The following PCM1 variants were observed in gnomAD, a reference collection of about 807,000 sequenced individuals.
PCM1 encodes pericentriolar material 1.
PCM1 carries 157 observed loss-of-function variants against 241.9 expected under a neutral mutation model. The ratio of observed to expected loss-of-function variants is 0.65; its 90% CI spans 0.57 to 0.74. The LOEUF (loss-of-function observed/expected upper bound fraction) is 0.74. Ranked by LOEUF, PCM1 falls within the 30% of genes least tolerant of loss-of-function variation. The pLI is 0.00. For missense variants in PCM1, 3,478 were observed against 2,360.1 expected (o/e 1.47, Z -9.81); for synonymous variants, 1,085 against 784.9 (o/e 1.38, Z -6.39).
At chr8:18,010,585 C>CTT in intron 31 of PCM1, 24 bp from the exon 32 acceptor site, 1 of 1,557,456 alleles carries the variant, frequency 6.4e-7, no homozygotes, top group African/African-American at 1.4e-5. Context: ...TTGCTAAATT[C>CTT]TGTGTAATTG....
At chr8:17,989,758 A>T in intron 26 of PCM1, 101 bp from the exon 27 acceptor site, 1 of 815,022 alleles carries the variant, frequency 1.2e-6, no homozygotes, top group Non-Finnish European at 1.8e-6. Flanking sequence ...AATATCTTTT[A>T]AGTGTACAAT....
chr8:17,987,130 A>G (rs965352620), intron 26 of PCM1, among the ~76,000 whole-genome samples: 1 of 151,886 alleles, frequency 6.6e-6, no homozygotes, highest in Non-Finnish European at 1.5e-5. Flanking sequence ...TCTAAAAACT[A>G]CATGGTTTTA....
intron 23 of PCM1, among the ~76,000 whole-genome samples, chr8:17,978,220 G>A (rs951172732): frequency 2.6e-5 from 4 of 152,044 alleles, no homozygotes; most frequent in African/African-American, 9.7e-5. Context: ...TAAATGGAAT[G>A]AAAGTACTAA....
chr8:18,013,765 T>C (rs987245539), intron 34 of PCM1, 199 bp from the exon 35 acceptor site: 134 of 519,626 alleles, frequency 2.6e-4, no homozygotes, highest in Admixed American at 5.2e-4. Context: ...TGTGTGTTTT[T>C]AAGGCAACAA....
intron 13 of PCM1, among the ~76,000 whole-genome samples, chr8:17,959,381 C>T (rs1317033950): frequency 3.3e-5 from 5 of 151,862 alleles, no homozygotes; most frequent in East Asian, 1.9e-4. Context: ...TTCAGTATAT[C>T]GATGGACTTT....
At chr8:17,986,224 G>A (rs1377894540) in intron 26 of PCM1, 137 bp downstream of exon 26, 7 of 565,716 alleles carry the variant, frequency 1.2e-5, no homozygotes, top group Middle Eastern at 4.8e-4. Flanking sequence ...GGTATAATGT[G>A]TTATTTTATT....
At chr8:18,017,065 G>A (rs754615425) in intron 36 of PCM1, among the ~76,000 whole-genome samples, 4 of 152,196 alleles carry the variant, frequency 2.6e-5, no homozygotes, top group Non-Finnish European at 4.4e-5. Context: ...GACTACGGCA[G>A]GATGGCATAA....
intron 17 of PCM1, 101 bp downstream of exon 17, chr8:17,963,392 C>A (rs2073429423): frequency 2.6e-6 from 2 of 770,670 alleles, no homozygotes; most frequent in Admixed American, 3.4e-5. Context: ...CAGCACAAAT[C>A]TGCTATTTCA....
intron 23 of PCM1, among the ~76,000 whole-genome samples, chr8:17,976,451 G>C (rs1290535458): frequency 6.6e-6 from 1 of 152,138 alleles, no homozygotes; most frequent in Non-Finnish European, 1.5e-5. Flanking sequence ...AGAGGAGATG[G>C]GAAACTCTCC....
intron 6 of PCM1, among the ~76,000 whole-genome samples, chr8:17,941,925 C>T (rs943814594): frequency 1.3e-5 from 2 of 152,084 alleles, no homozygotes; most frequent in African/African-American, 4.8e-5. Context: ...TCTGTTGTTG[C>T]TATTACTCTT....
At chr8:18,012,840 G>C (rs1245538487) in intron 34 of PCM1, among the ~76,000 whole-genome samples, 1 of 151,874 alleles carries the variant, frequency 6.6e-6, no homozygotes, top group Admixed American at 6.6e-5. Flanking sequence ...TTTAACACTT[G>C]TATGAAATTA....
At chr8:17,987,696 T>A (rs1237518841) in intron 26 of PCM1, among the ~76,000 whole-genome samples, 1 of 151,834 alleles carries the variant, frequency 6.6e-6, no homozygotes, top group African/African-American at 2.4e-5. Context: ...TGCCATTTAA[T>A]CAGCAGCACC....
rs557039054 is a variant in PCM1 at position 17,957,317 on chromosome 8, A to G, written c.1700A>G (p.Gln567Arg). The change falls in exon 12 of 39, where the codon CAG becomes CGG. Residue 567 changes from glutamine to arginine, a missense_variant. Physicochemically the swap from Gln to Arg is conservative, Grantham distance 43 (BLOSUM62 1). Transcript: ENST00000325083. ...WNEVNSHSNA[Q>R]CVSNNRDGRT... is the part of the protein sequence containing the mutation. The stretch of plus-strand genomic sequence containing the variant: ...GAAGTAAATAGTCATAGTAATGCAC[A>G]GTGTGTTTCTAATAATAGAGATGGG... 1.0e-4 allele frequency: 161 copies of G among 1,611,654 alleles called. 6 individuals carry two copies. The South Asian group carries it at 1.5e-3, about 15-fold the overall frequency.
intron 5 of PCM1, among the ~76,000 whole-genome samples, 163 bp from the exon 6 acceptor site, chr8:17,939,528 T>C (rs1420386789): frequency 6.6e-6 from 1 of 152,168 alleles, no homozygotes. Flanking sequence ...AAATCTAAGC[T>C]GGATTCAGAT....
intron 29 of PCM1, among the ~76,000 whole-genome samples, chr8:17,993,947 G>T (rs2085684298): frequency 6.6e-6 from 1 of 152,226 alleles, no homozygotes; most frequent in Admixed American, 6.5e-5. Context: ...TGGGGTACAT[G>T]AAATAGTTTG....
At chr8:17,983,246 A>C (rs1206321369) in intron 24 of PCM1, 4 of 1,322,800 alleles carry the variant, frequency 3.0e-6, no homozygotes, top group Non-Finnish European at 4.0e-6. Flanking sequence ...ATGCTAGGAG[A>C]ATACTACAGC....
chr8:18,009,776 A>T, intron 31 of PCM1, 32 bp downstream of exon 31: 2 of 1,247,996 alleles, frequency 1.6e-6, no homozygotes, highest in Non-Finnish European at 2.1e-6. Context: ...TTTTAGGATA[A>T]TTGACACATA....
In PCM1 at chr8:17,960,354, A is replaced by G; in HGVS notation, c.2232A>G (p.Arg744=). ...AGGCTAAACTACAGCAGCAACAGAG[A>G]GAGCTAAAACAATTGCAGGAAGAAA... is the stretch of plus-strand genomic sequence containing the variant. ...FYEAKLQQQQ[R]ELKQLQEERK... is the part of the protein sequence containing the mutation. Residue 744 remains arginine, a synonymous_variant, in exon 15 of 39, where the codon AGA becomes AGG. Coordinates refer to ENST00000325083, the MANE Select transcript of PCM1 (RefSeq NM_006197.4). 1 of 1,600,114 alleles carries G rather than the reference A, an allele frequency of 6.2e-7. No individual in the cohort carries two copies. The highest frequency in any genetic ancestry group is 8.5e-7 in the Non-Finnish European group (1 of 1,176,226).
intron 27 of PCM1, among the ~76,000 whole-genome samples, chr8:17,990,955 TG>T (rs2084396223): frequency 6.6e-6 from 1 of 152,130 alleles, no homozygotes; most frequent in Non-Finnish European, 1.5e-5. Context: ...AATTACTGTG[TG>T]GCCTGCCAAC....
Sources: gnomAD v4.1 joint callset for allele counts (sites outside exome capture counted in the v4.1 genomes callset) on GRCh38, gnomAD v4.1.1 for gene constraint, MANE v1.5 for transcripts, NCBI Gene and HGNC (gene_info 2026-07-23, HGNC 2026-07-21) for gene names.